HIBADH: variants seen among roughly 807,000 people sequenced by gnomAD.
HIBADH encodes 3-hydroxyisobutyrate dehydrogenase, mitochondrial.
Under a neutral mutation model 36.1 loss-of-function variants are expected in HIBADH, and 25 were observed. The ratio of observed to expected loss-of-function variants is 0.69; its 90% CI spans 0.50 to 0.97. The LOEUF (loss-of-function observed/expected upper bound fraction) is 0.97, where lower values mean the gene tolerates loss of function less well. Among genes scored for constraint, HIBADH ranks in the 50% least tolerant of loss-of-function variants. The pLI is 0.00. For missense variants in HIBADH, 421 were observed against 418.0 expected (o/e 1.01, Z -0.06); for synonymous variants, 160 against 149.5 (o/e 1.07, Z -0.51).
chr7:27,643,765 A>G (rs774977239), intron 2 of HIBADH, among the ~76,000 whole-genome samples: 6 of 152,172 alleles, frequency 3.9e-5, no homozygotes, highest in Admixed American at 2.0e-4. Flanking sequence ...ACTCCCCACA[A>G]AGGCTCAAAG....
intron 4 of HIBADH, among the ~76,000 whole-genome samples, chr7:27,601,169 A>G (rs1785124842): frequency 6.6e-6 from 1 of 152,108 alleles, no homozygotes; most frequent in Admixed American, 6.5e-5. Flanking sequence ...CATAATCTAG[A>G]AAGTATCTTT....
intron 4 of HIBADH, among the ~76,000 whole-genome samples, chr7:27,601,098 T>C (rs771186962): frequency 1.3e-5 from 2 of 152,110 alleles, no homozygotes; most frequent in Non-Finnish European, 2.9e-5. Flanking sequence ...ATGAAACCTA[T>C]GTATAAAACT....
At chr7:27,579,722 C>T (rs1397849452) in intron 4 of HIBADH, among the ~76,000 whole-genome samples, 1 of 152,144 alleles carries the variant, frequency 6.6e-6, no homozygotes, top group Non-Finnish European at 1.5e-5. Flanking sequence ...AATGACTAAC[C>T]ACATTAATGG....
At chr7:27,542,310 A>C (rs1276067985) in intron 5 of HIBADH, among the ~76,000 whole-genome samples, 2 of 152,148 alleles carry the variant, frequency 1.3e-5, no homozygotes, top group African/African-American at 2.4e-5. Context: ...AACTGTAATT[A>C]CAAAATTAGA....
rs184318679 is a variant in HIBADH at position 27,646,790 on chromosome 7, G to A, written c.252+2683C>T. On this transcript the variant is annotated intron_variant, in intron 2 of 7. Coordinates refer to ENST00000265395, the MANE Select transcript of HIBADH (RefSeq NM_152740.4). ...GGCTTATTGCAACCTCCGCCTCCTG[G>A]ACTCAAGCGATTCTCATGTCTCAGC... Among the ~76,000 whole-genome samples, 1,428 of 148,798 alleles carry A rather than the reference G, an allele frequency of 9.6e-3. 10 individuals are homozygous for A. The highest frequency in any genetic ancestry group is 0.016 in the Non-Finnish European group (1,078 of 67,716).
chr7:27,662,768 G>T lies in HIBADH; in HGVS notation c.21C>A (p.Leu7=). 6.9e-7 allele frequency: 1 copy of T among 1,452,634 alleles called. No homozygotes were observed. The highest frequency in any genetic ancestry group is 1.4e-5 in the South Asian group (1 of 73,420). 90.0% of individuals were successfully genotyped at this position (1,452,634 alleles called of 1,614,324 possible). The change falls in exon 1 of 8, where the codon CTC becomes CTA. Residue 7 remains leucine, a synonymous_variant. Coordinates refer to ENST00000265395, the MANE Select transcript of HIBADH (RefSeq NM_152740.4). ...ACCGGAGACCGGAGGCAGCTCCGAG[G>T]AGCCGTAAGGAGGCTGCCATGCTGC... is the stretch of plus-strand genomic sequence containing the variant. The part of the protein sequence containing the change: MAASLR[L]LGAASGLRYW...
intron 4 of HIBADH, among the ~76,000 whole-genome samples, chr7:27,613,113 TATAA>T (rs1343551363): frequency 3.9e-5 from 5 of 128,668 alleles, no homozygotes; most frequent in South Asian, 2.2e-4. Flanking sequence ...TATATATTCA[TATAA>T]ATATATTTAT....
At chr7:27,658,416 A>G (rs1786347003) in intron 1 of HIBADH, among the ~76,000 whole-genome samples, 1 of 152,180 alleles carries the variant, frequency 6.6e-6, no homozygotes, top group East Asian at 1.9e-4. Flanking sequence ...AAACTTGGCA[A>G]AGTTTGTTTC....
chr7:27,562,466 TTC>T (rs1256924048), intron 4 of HIBADH, among the ~76,000 whole-genome samples: 4 of 152,226 alleles, frequency 2.6e-5, no homozygotes, highest in African/African-American at 4.8e-5. Context: ...TAAATTCAAA[TTC>T]TGTGTTTACA....
At chr7:27,603,777 TTAAAAA>T (rs1361364411) in intron 4 of HIBADH, among the ~76,000 whole-genome samples, 1 of 152,144 alleles carries the variant, frequency 6.6e-6, no homozygotes, top group Non-Finnish European at 1.5e-5. Flanking sequence ...CCACTGTACA[TTAAAAA>T]TAAGATATGC....
chr7:27,551,374 C>T (rs1784317974), intron 4 of HIBADH, among the ~76,000 whole-genome samples: 1 of 152,160 alleles, frequency 6.6e-6, no homozygotes, highest in Non-Finnish European at 1.5e-5. Flanking sequence ...GATAAAAACA[C>T]TGGCCATACT....
At chr7:27,527,917 C>CTTTTTTTTTTTTTTT (rs1562609863) in intron 7 of HIBADH, among the ~76,000 whole-genome samples, 2,757 of 76,768 alleles carry the variant, frequency 0.036, 795 homozygotes, top group Middle Eastern at 0.045. Flanking sequence ...CCACACCCAG[C>CTTTTTTTTTTTTTTT]GTTTTTTTTT....
rs138097101 is a variant in HIBADH at position 27,531,977 on chromosome 7, C to G, written c.696-629G>C. Among the ~76,000 whole-genome samples, 11 of 152,254 alleles carry G rather than the reference C, an allele frequency of 7.2e-5. No individual in the cohort carries two copies. The East Asian group carries it at 2.1e-3, about 29-fold the overall frequency. The stretch of plus-strand genomic sequence containing the variant: ...AGACAATCTTGCTTATGAAGCAAGT[C>G]TGCACAGAGTTGTGACATATGCTAT... On this transcript the variant is annotated intron_variant, in intron 6 of 7. Coordinates refer to ENST00000265395, the MANE Select transcript of HIBADH (RefSeq NM_152740.4).
chr7:27,645,368 A>ATGT (rs1554300959), intron 2 of HIBADH, among the ~76,000 whole-genome samples: 12,771 of 59,392 alleles, frequency 0.22, 4,075 homozygotes, highest in East Asian at 0.49. Context: ...CATGGTTTTG[A>ATGT]TTTTTTTTTT....
intron 2 of HIBADH, among the ~76,000 whole-genome samples, chr7:27,648,433 G>A (rs1193151515): frequency 6.6e-6 from 1 of 152,142 alleles, no homozygotes; most frequent in Non-Finnish European, 1.5e-5. Context: ...CAGATATATA[G>A]TTCTGAAAAT....
chr7:27,606,493 T>C (rs1196922909), intron 4 of HIBADH, among the ~76,000 whole-genome samples: 3 of 152,236 alleles, frequency 2.0e-5, no homozygotes, highest in Admixed American at 6.5e-5. Context: ...CTGTCACAGA[T>C]AGAAATCTCC....
chr7:27,659,896 A>ATT (rs11411482), intron 1 of HIBADH, among the ~76,000 whole-genome samples: 10 of 151,616 alleles, frequency 6.6e-5, no homozygotes, highest in Non-Finnish European at 1.0e-4. Flanking sequence ...CTCAAAAAAC[A>ATT]TTTTTTTTTA....
intron 4 of HIBADH, 83 bp downstream of exon 4, chr7:27,629,288 C>G: frequency 7.2e-7 from 1 of 1,381,910 alleles, no homozygotes. Context: ...ATAACTACTA[C>G]AAAACCATAT....
In HIBADH at chr7:27,574,278, G is replaced by A. The variant is rs144845131; in HGVS notation, c.485-31178C>T. On this transcript the variant is annotated intron_variant, in intron 4 of 7. Transcript: ENST00000265395. ...TTTCAGATCCCACAGCTTAGAAAAGGGGAGGAAGAGATAGCAGGTGATTTT... is the reference window on the plus strand; with the variant it reads ...TTTCAGATCCCACAGCTTAGAAAAGAGGAGGAAGAGATAGCAGGTGATTTT... 1.0e-3 allele frequency among the ~76,000 whole-genome samples: 149 copies of A among 143,420 alleles called. 3 individuals are homozygous for A. In the East Asian group the frequency reaches 0.029, roughly 28 times the overall value. The allele number at this position is 143,420 out of a possible 152,430, so 94.1% of individuals were successfully genotyped here. A position where few individuals can be genotyped will look rare whatever the true frequency, so the allele number is the denominator to read the frequency against.
Sources: allele counts gnomAD v4.1 joint callset (sites outside exome capture counted in the v4.1 genomes callset), GRCh38; gene constraint gnomAD v4.1.1; transcripts MANE v1.5; gene names NCBI Gene and HGNC (gene_info 2026-07-23, HGNC 2026-07-21).